The following STYK1 variants were observed in gnomAD, a reference collection of about 807,000 sequenced individuals.
The protein encoded by STYK1 is STY kinase 1.
A neutral mutation model predicts 48.1 loss-of-function variants in STYK1; 46 were observed. The ratio of observed to expected loss-of-function variants is 0.96; its 90% CI spans 0.75 to 1.22. STYK1 has a LOEUF of 1.22. Among genes scored for constraint, STYK1 ranks in the 50% most tolerant of loss-of-function variants. STYK1 has a pLI of 0.00. For synonymous variants in STYK1, 188 were observed against 189.0 expected (o/e 0.99, Z 0.04); for missense variants, 527 against 521.1 (o/e 1.01, Z -0.11).
Position 10,672,242 on chromosome 12 carries a change from C to T in STYK1, c.-195+1724G>A, listed in dbSNP as rs112239623. Among the ~76,000 whole-genome samples the T allele has an allele frequency of 1.8e-4, 28 of 152,272 alleles. No individual in the cohort carries two copies. The highest frequency in any genetic ancestry group is 6.7e-4 in the African/African-American group (28 of 41,544). Reference sequence around the variant, plus strand: ...TTGTTTAAGCCAGAGGTCACCAACACCCGGGGCGCCGACAGGTACGGGGTG... The same window carrying T: ...TTGTTTAAGCCAGAGGTCACCAACATCCGGGGCGCCGACAGGTACGGGGTG... On this transcript the variant is annotated intron_variant, in intron 1 of 10. Transcript: ENST00000075503. This position sits in a 1 kb window ranked among gnomAD's most constrained non-coding sequence, Gnocchi z 4.0.
At chr12:10,662,168 T>C (rs1470168942) in intron 1 of STYK1, among the ~76,000 whole-genome samples, 7 of 152,252 alleles carry the variant, frequency 4.6e-5, no homozygotes, top group African/African-American at 7.2e-5. Flanking sequence ...TTTTCAAGGA[T>C]TATCCATGTT....
In STYK1 at chr12:10,629,623, T is replaced by C. The variant is rs1442788063; in HGVS notation, c.503A>G (p.His168Arg). The C allele has an allele frequency of 3.1e-6, 5 of 1,614,066 alleles. No individual in the cohort carries two copies. In the African/African-American group the frequency reaches 5.3e-5, roughly 17 times the overall value. The change falls in exon 6 of 11, where the codon CAT becomes CGT. Residue 168 changes from histidine (H) to arginine (R), a missense_variant. Transcript: ENST00000075503. ...GTTTTTGTGTTTCCCCAGGTATTGA[T>C]GGAATTGGATTCGCCCTAAGAAATC... ...VQDFLGRIQF[H>R]QYLGKHKNLV...
chr12:10,649,609 T>G (rs1947637619), intron 1 of STYK1, among the ~76,000 whole-genome samples: 2 of 152,212 alleles, frequency 1.3e-5, no homozygotes, highest in African/African-American at 4.8e-5. Context: ...TTTTCCTCTA[T>G]TTTCTATTTT....
intron 1 of STYK1, among the ~76,000 whole-genome samples, chr12:10,657,264 T>C (rs1947729613): frequency 6.6e-6 from 1 of 152,182 alleles, no homozygotes; most frequent in Non-Finnish European, 1.5e-5. Context: ...AAAGGGCTCC[T>C]CCCTGAAGCC....
At chr12:10,671,327 G>A (rs558261193) in intron 1 of STYK1, among the ~76,000 whole-genome samples, 8 of 152,270 alleles carry the variant, frequency 5.3e-5, no homozygotes, top group African/African-American at 1.7e-4. Flanking sequence ...AAATAGCGAA[G>A]GGGAATTAAG....
In STYK1 at chr12:10,631,035, C is replaced by G; in HGVS notation, c.451+10G>C. ...TAGGGGAAGGGGGAGTCAAACACTT[C>G]TTGTTTTACCTTTTAAAGCCTTGAG... is the stretch of plus-strand genomic sequence containing the variant. On this transcript the variant is annotated intron_variant, in intron 5 of 10. Coordinates refer to ENST00000075503, the MANE Select transcript of STYK1 (RefSeq NM_018423.3). The G allele has an allele frequency of 6.2e-7, 1 of 1,611,506 alleles. No individual in the cohort carries two copies. The highest frequency in any genetic ancestry group is 2.2e-5 in the East Asian group (1 of 44,850).
At chr12:10,638,342 T>C (rs1326645498) in intron 1 of STYK1, among the ~76,000 whole-genome samples, 2 of 152,176 alleles carry the variant, frequency 1.3e-5, no homozygotes, top group Non-Finnish European at 1.5e-5. Context: ...TCTTAGCATG[T>C]TAAAGGTTTA....
intron 5 of STYK1, among the ~76,000 whole-genome samples, chr12:10,629,876 C>T (rs1234199357): frequency 6.6e-6 from 1 of 152,146 alleles, no homozygotes; most frequent in Non-Finnish European, 1.5e-5. Context: ...AACACAGAAT[C>T]ATAATTATTA....
At chr12:10,665,634 G>A (rs1438298022) in intron 1 of STYK1, among the ~76,000 whole-genome samples, 1 of 152,188 alleles carries the variant, frequency 6.6e-6, no homozygotes, top group East Asian at 1.9e-4. Flanking sequence ...CACTGTCACA[G>A]TTTCTTCTGG....
At chr12:10,666,232 T>G (rs1335099958) in intron 1 of STYK1, among the ~76,000 whole-genome samples, 2 of 152,150 alleles carry the variant, frequency 1.3e-5, no homozygotes, top group Admixed American at 1.3e-4. Context: ...TTTAAGCCTT[T>G]TTTCACTGAC....
At chr12:10,644,057 T>A (rs1253366653) in intron 1 of STYK1, among the ~76,000 whole-genome samples, 5 of 152,186 alleles carry the variant, frequency 3.3e-5, no homozygotes, top group Admixed American at 2.0e-4. Flanking sequence ...ACTTAAGGAC[T>A]TTATGCTGAG....
chr12:10,671,547 T>C (rs146782120), intron 1 of STYK1, among the ~76,000 whole-genome samples: 1 of 152,258 alleles, frequency 6.6e-6, no homozygotes, highest in Non-Finnish European at 1.5e-5. Flanking sequence ...CTCTAGAGAC[T>C]GAAGGAGGCA....
chr12:10,630,385 C>CAAAA (rs35704937), intron 5 of STYK1, among the ~76,000 whole-genome samples: 112 of 48,418 alleles, frequency 2.3e-3, no homozygotes, highest in Admixed American at 2.9e-3. Context: ...CACTCTGTCT[C>CAAAA]AAAAAAAAAA....
intron 5 of STYK1, among the ~76,000 whole-genome samples, chr12:10,630,158 G>T (rs1947408989): frequency 6.6e-6 from 1 of 151,834 alleles, no homozygotes; most frequent in African/African-American, 2.4e-5. Context: ...GGTTGAGGCT[G>T]GTGGATCACC....
intron 1 of STYK1, among the ~76,000 whole-genome samples, chr12:10,669,634 G>T (rs1947871483): frequency 6.6e-6 from 1 of 151,988 alleles, no homozygotes; most frequent in African/African-American, 2.4e-5. Flanking sequence ...GACAAATGGG[G>T]TTACATCAAA....
At chr12:10,657,025 T>A (rs1591699756) in intron 1 of STYK1, among the ~76,000 whole-genome samples, 1 of 150,708 alleles carries the variant, frequency 6.6e-6, no homozygotes, top group East Asian at 2.0e-4. Flanking sequence ...ACTCTTTGCA[T>A]GTTTGGATCA....
chr12:10,649,470 C>A (rs539982822), intron 1 of STYK1, among the ~76,000 whole-genome samples: 2 of 152,204 alleles, frequency 1.3e-5, no homozygotes, highest in Non-Finnish European at 2.9e-5. Context: ...TAAAAAGGCA[C>A]ATTTTAATGA....
At chr12:10,659,622 C>G (rs1430774532) in intron 1 of STYK1, among the ~76,000 whole-genome samples, 1 of 152,068 alleles carries the variant, frequency 6.6e-6, no homozygotes, top group Non-Finnish European at 1.5e-5. Context: ...GAGAATTTAT[C>G]CAACTCCTAG....
intron 1 of STYK1, among the ~76,000 whole-genome samples, chr12:10,644,657 G>C (rs954739160): frequency 6.6e-6 from 1 of 152,066 alleles, no homozygotes; most frequent in Non-Finnish European, 1.5e-5. Flanking sequence ...GTAAAAAAAA[G>C]AAAAATAATG....
Sources: allele counts gnomAD v4.1 joint callset (sites outside exome capture counted in the v4.1 genomes callset), GRCh38; gene constraint gnomAD v4.1.1; non-coding constraint Gnocchi (gnomAD v3.1); transcripts MANE v1.5; gene names NCBI Gene and HGNC (gene_info 2026-07-23, HGNC 2026-07-21).